The following CYRIA variants were observed in gnomAD, a reference collection of about 807,000 sequenced individuals.
CYRIA encodes CYFIP-related Rac1 interactor A.
A neutral mutation model predicts 43.9 loss-of-function variants in CYRIA; 15 were observed. The ratio of observed to expected loss-of-function variants is 0.34; its 90% CI spans 0.23 to 0.53. The LOEUF is 0.53. CYRIA is among the 20% of genes least tolerant of loss of function. CYRIA has a pLI of 0.94. For missense variants in CYRIA, 236 were observed against 394.2 expected (o/e 0.60, Z 3.40); for synonymous variants, 117 against 136.0 (o/e 0.86, Z 0.97).
At chr2:16,629,294 T>G (rs2103518671) in intron 1 of CYRIA, among the ~76,000 whole-genome samples, 1 of 152,310 alleles carries the variant, frequency 6.6e-6, no homozygotes, top group South Asian at 2.1e-4. Flanking sequence ...GATCCTCCCT[T>G]TTCCCCTGAC....
intron 1 of CYRIA, among the ~76,000 whole-genome samples, chr2:16,637,026 C>G (rs753129754): frequency 1.3e-5 from 2 of 152,074 alleles, no homozygotes; most frequent in Non-Finnish European, 2.9e-5. Context: ...ACACCAGGAG[C>G]TGGCTATCTC....
intron 2 of CYRIA, among the ~76,000 whole-genome samples, chr2:16,610,921 T>TATATAC (rs1553344323): frequency 1.5e-5 from 1 of 64,802 alleles, no homozygotes; most frequent in African/African-American, 9.2e-5. Context: ...TATATATATA[T>TATATAC]ATATATATAT....
chr2:16,558,002 C>A (rs920145777), intron 10 of CYRIA, among the ~76,000 whole-genome samples: 2 of 152,072 alleles, frequency 1.3e-5, no homozygotes, highest in African/African-American at 2.4e-5. Context: ...GCCCATGATA[C>A]ACTTTTATGT....
intron 3 of CYRIA, among the ~76,000 whole-genome samples, chr2:16,574,089 A>G (rs1667238419): frequency 6.6e-6 from 1 of 152,192 alleles, no homozygotes; most frequent in African/African-American, 2.4e-5. Context: ...GATATGCACA[A>G]TGAAATCCAG....
At chr2:16,633,825 T>C (rs941884076) in intron 1 of CYRIA, among the ~76,000 whole-genome samples, 1 of 152,124 alleles carries the variant, frequency 6.6e-6, no homozygotes, top group Non-Finnish European at 1.5e-5. Context: ...CCTTCAAGTA[T>C]TTCCTACCAC....
chr2:16,620,094 TG>T (rs1384377268), intron 2 of CYRIA, among the ~76,000 whole-genome samples: 1 of 152,242 alleles, frequency 6.6e-6, no homozygotes, highest in Non-Finnish European at 1.5e-5. Flanking sequence ...TTGTCTGATT[TG>T]TCCTGATGTT....
intron 4 of CYRIA, 22 bp downstream of exon 4, chr2:16,565,624 T>C: frequency 6.5e-7 from 1 of 1,543,638 alleles, no homozygotes; most frequent in Non-Finnish European, 8.8e-7. Context: ...GTGTTGTCAG[T>C]TCAGCGTGAT....
rs138232592 is a variant in CYRIA at position 16,558,494 on chromosome 2, T to G, written c.837+966A>C. 3.1e-3 allele frequency among the ~76,000 whole-genome samples: 467 copies of G among 152,206 alleles called. 4 individuals carry two copies. The highest frequency in any genetic ancestry group is 0.01 in the African/African-American group (429 of 41,536). ...CCAGACTCGGCTATACTGGAGTAAGTAAGTTACTACCAAGAGATGCTATTC... is the reference window on the plus strand; with the variant it reads ...CCAGACTCGGCTATACTGGAGTAAGGAAGTTACTACCAAGAGATGCTATTC... On this transcript the variant is annotated intron_variant, in intron 10 of 11. Coordinates refer to ENST00000381323, the MANE Select transcript of CYRIA (RefSeq NM_030797.4).
At chr2:16,622,021 C>A (rs933445379) in intron 2 of CYRIA, among the ~76,000 whole-genome samples, 4 of 152,154 alleles carry the variant, frequency 2.6e-5, no homozygotes, top group Non-Finnish European at 5.9e-5. Flanking sequence ...CATCTACTGA[C>A]TGAATGGATG....
At chr2:16,608,203 C>T (rs1049347118) in intron 2 of CYRIA, among the ~76,000 whole-genome samples, 3 of 152,208 alleles carry the variant, frequency 2.0e-5, no homozygotes, top group Non-Finnish European at 4.4e-5. Flanking sequence ...ACAAAGACAT[C>T]ACCCACACAG....
intron 2 of CYRIA, among the ~76,000 whole-genome samples, chr2:16,591,535 T>C (rs1667929122): frequency 6.6e-6 from 1 of 152,164 alleles, no homozygotes; most frequent in South Asian, 2.1e-4. Flanking sequence ...GAGCTGAGTC[T>C]CAGAGCTCCC....
At chr2:16,600,756 C>G (rs754715277) in intron 2 of CYRIA, among the ~76,000 whole-genome samples, 3 of 152,172 alleles carry the variant, frequency 2.0e-5, no homozygotes, top group Non-Finnish European at 2.9e-5. Context: ...GTGTGTGGCA[C>G]TATACTTGAA....
chr2:16,611,306 A>C (rs1440886339), intron 2 of CYRIA, among the ~76,000 whole-genome samples: 1 of 152,128 alleles, frequency 6.6e-6, no homozygotes, highest in African/African-American at 2.4e-5. Flanking sequence ...TGGAGGTTGC[A>C]GTGAGCCGAG....
intron 2 of CYRIA, among the ~76,000 whole-genome samples, chr2:16,588,418 C>T (rs1332239872): frequency 1.3e-5 from 2 of 149,508 alleles, no homozygotes; most frequent in Admixed American, 6.6e-5. Context: ...GTCCATATCT[C>T]GTTCACCATA....
intron 1 of CYRIA, among the ~76,000 whole-genome samples, chr2:16,643,168 A>G (rs1015889728): frequency 1.3e-5 from 2 of 152,032 alleles, no homozygotes; most frequent in Admixed American, 6.5e-5. Flanking sequence ...TCCTTAACTG[A>G]TATGTCTTAT....
rs900320744 is a variant in CYRIA, at chr2:16,552,693, A to G, written c.*243T>C. The G allele has an allele frequency of 1.3e-5, 6 of 462,720 alleles. No homozygotes were observed. The highest frequency in any genetic ancestry group is 3.6e-5 in the South Asian group (1 of 27,520). 28.7% of individuals were successfully genotyped at this position (462,720 alleles called of 1,614,324 possible). ...AAAGGACTCCAGTAGCAAAGATCAA[A>G]GTCTCCGAATTTTGCCTTTGGAGAA... On this transcript the variant is annotated 3_prime_UTR_variant, in exon 12 of 12. Coordinates refer to ENST00000381323, the MANE Select transcript of CYRIA (RefSeq NM_030797.4).
At chr2:16,616,666 G>A (rs188222819) in intron 2 of CYRIA, among the ~76,000 whole-genome samples, 86 of 152,368 alleles carry the variant, frequency 5.6e-4, no homozygotes, top group African/African-American at 2.0e-3. Flanking sequence ...GTCAGCAAGT[G>A]TTTGAACCTA....
At chr2:16,643,692 T>A (rs968838361) in intron 1 of CYRIA, among the ~76,000 whole-genome samples, 4 of 152,188 alleles carry the variant, frequency 2.6e-5, no homozygotes, top group African/African-American at 9.6e-5. Context: ...CTCTGCAGGC[T>A]TCCAGGGCCA....
intron 1 of CYRIA, among the ~76,000 whole-genome samples, chr2:16,632,536 T>C (rs1487769569): frequency 6.6e-6 from 1 of 152,160 alleles, no homozygotes; most frequent in African/African-American, 2.4e-5. Flanking sequence ...GCAAACTGTT[T>C]CCTAACACTT....
Sources: allele counts gnomAD v4.1 joint callset (sites outside exome capture counted in the v4.1 genomes callset), GRCh38; gene constraint gnomAD v4.1.1; transcripts MANE v1.5; gene names NCBI Gene and HGNC (gene_info 2026-07-23, HGNC 2026-07-21).